TMEM132D: variants seen among roughly 807,000 people sequenced by gnomAD.
TMEM132D encodes the protein mature OL transmembrane protein.
TMEM132D carries 21 observed loss-of-function variants against 62.3 expected under a neutral mutation model. That is an observed-to-expected ratio of 0.34 (90% CI 0.24 to 0.49). The LOEUF (loss-of-function observed/expected upper bound fraction) is 0.49. Among genes scored for constraint, TMEM132D ranks in the 20% least tolerant of loss-of-function variants. The probability of loss-of-function intolerance (pLI) is 0.99; values close to 1 mark genes in which losing one functional copy is unlikely to be tolerated. For synonymous variants in TMEM132D, 621 were observed against 575.6 expected, an observed-to-expected ratio of 1.08 and a Z score of -1.13; for missense variants, 1,346 against 1,402.8, an observed-to-expected ratio of 0.96 and a Z score of 0.65.
At chr12:129,655,001 G>T (rs1490377368) in intron 2 of TMEM132D, among the ~76,000 whole-genome samples, 1 of 151,768 alleles carries the variant, frequency 6.6e-6, no homozygotes, top group East Asian at 1.9e-4. Context: ...AGGCTGGAGT[G>T]CAGTGGCACG....
intron 5 of TMEM132D, among the ~76,000 whole-genome samples, chr12:129,117,857 T>C (rs530900122): frequency 2.0e-5 from 3 of 152,348 alleles, no homozygotes; most frequent in Admixed American, 2.0e-4. Flanking sequence ...ACTGGAGACT[T>C]TGTTTTCCAT....
intron 3 of TMEM132D, among the ~76,000 whole-genome samples, chr12:129,487,381 T>C (rs1383393496): frequency 6.6e-6 from 1 of 152,078 alleles, no homozygotes; most frequent in Non-Finnish European, 1.5e-5. Context: ...AAGATGTAAT[T>C]TAAGTTTTAT....
chr12:129,688,352 A>G (rs376578007), intron 2 of TMEM132D, among the ~76,000 whole-genome samples: 16 of 152,300 alleles, frequency 1.1e-4, no homozygotes, highest in African/African-American at 3.1e-4. Context: ...CCAGCTGCAC[A>G]TAAGAATCAC....
chr12:129,409,491 G>A lies in TMEM132D; in HGVS notation c.1116-71674C>T, dbSNP rs149149276. ...CTTTCTACGTTTTTTAATCATTTCC[G>A]CTCTAGCAGCTAAACACACCATGTG... On this transcript the variant is annotated intron_variant, in intron 3 of 8. Coordinates refer to ENST00000422113, the MANE Select transcript of TMEM132D (RefSeq NM_133448.3). Among the ~76,000 whole-genome samples, 37 of 152,252 alleles carry A rather than the reference G, an allele frequency of 2.4e-4. No homozygotes were observed. In the East Asian group the frequency reaches 2.5e-3, roughly 10 times the overall value.
chr12:129,630,681 G>A (rs1471381922), intron 2 of TMEM132D, among the ~76,000 whole-genome samples: 1 of 152,156 alleles, frequency 6.6e-6, no homozygotes, highest in Non-Finnish European at 1.5e-5. Flanking sequence ...AAAATAGTAA[G>A]TCCACTATGT....
intron 3 of TMEM132D, among the ~76,000 whole-genome samples, chr12:129,444,540 C>T (rs764541665): frequency 6.6e-6 from 1 of 152,140 alleles, no homozygotes; most frequent in Non-Finnish European, 1.5e-5. Context: ...TGGTGGTTTG[C>T]TGCACCTGTC....
intron 3 of TMEM132D, among the ~76,000 whole-genome samples, chr12:129,425,891 C>T (rs568992219): frequency 3.8e-4 from 58 of 152,268 alleles, no homozygotes; most frequent in African/African-American, 1.1e-3. Flanking sequence ...AATGGAGCAA[C>T]GAGCCAACAT....
chr12:129,309,127 A>G (rs1307874974), intron 4 of TMEM132D, among the ~76,000 whole-genome samples: 1 of 152,172 alleles, frequency 6.6e-6, no homozygotes, highest in African/African-American at 2.4e-5. Flanking sequence ...AAACACATTC[A>G]AAGGTCACTT....
intron 3 of TMEM132D, among the ~76,000 whole-genome samples, chr12:129,435,024 A>G (rs1488801641): frequency 6.6e-6 from 1 of 152,140 alleles, no homozygotes; most frequent in Non-Finnish European, 1.5e-5. Flanking sequence ...ATTCTATGAG[A>G]TCAGCTTATT....
chr12:129,894,861 A>C (rs1285556814), intron 1 of TMEM132D, among the ~76,000 whole-genome samples: 1 of 151,944 alleles, frequency 6.6e-6, no homozygotes, highest in African/African-American at 2.4e-5. Context: ...CGTACCTCCC[A>C]AGTCAGCGTG....
At chr12:129,269,990 A>G (rs1361826180) in intron 4 of TMEM132D, among the ~76,000 whole-genome samples, 5 of 152,174 alleles carry the variant, frequency 3.3e-5, no homozygotes, top group Admixed American at 3.3e-4. Context: ...AGTGGCAGGC[A>G]GAACAGAATG....
intron 4 of TMEM132D, among the ~76,000 whole-genome samples, chr12:129,300,432 T>G (rs150474431): frequency 5.9e-5 from 9 of 152,186 alleles, no homozygotes. Context: ...CCCACCTAAC[T>G]TAGGAGTCCA....
chr12:129,661,678 T>C (rs557853716), intron 2 of TMEM132D, among the ~76,000 whole-genome samples: 1 of 152,280 alleles, frequency 6.6e-6, no homozygotes, highest in South Asian at 2.1e-4. Flanking sequence ...TAGGTGGTAA[T>C]ATATATCTCC....
At chr12:129,138,285 C>A (rs1335128000) in intron 5 of TMEM132D, among the ~76,000 whole-genome samples, 1 of 152,112 alleles carries the variant, frequency 6.6e-6, no homozygotes, top group Non-Finnish European at 1.5e-5. Context: ...AAATGTTGGC[C>A]ACTATCCAAA....
Position 129,074,842 on chromosome 12 carries a change from T to C in TMEM132D, c.2333A>G (p.Gln778Arg). Reference sequence around the variant, plus strand: ...TAACACACTCTTCCGCTTGGATTTCTGGCAGGATTCACTAATAACCATTTC... The same window carrying C: ...TAACACACTCTTCCGCTTGGATTTCCGGCAGGATTCACTAATAACCATTTC... ...KVEMVISESC[Q>R]KSKRKSVLAV... Residue 778 changes from glutamine to arginine, a missense_variant, in exon 9 of 9, where the codon CAG (glutamine) becomes CGG (arginine). Physicochemically the swap from Gln to Arg is conservative, Grantham distance 43. Transcript: ENST00000422113. The C allele has an allele frequency of 6.2e-7, 1 of 1,614,108 alleles. No individual in the cohort carries two copies. Among genetic ancestry groups the C allele is most frequent in the Non-Finnish European group, 8.5e-7 (1 of 1,180,028 alleles).
Position 129,072,830 on chromosome 12 carries a change from A to C in TMEM132D, c.*1045T>G, listed in dbSNP as rs1874116812. On this transcript the variant is annotated 3_prime_UTR_variant, in exon 9 of 9. Transcript: ENST00000422113. ...TCTTTCTAGTAAAGCAAGGGAATGTATATCCCCTGGTATGGAATTCACCGT... is the reference window on the plus strand; with the variant it reads ...TCTTTCTAGTAAAGCAAGGGAATGTCTATCCCCTGGTATGGAATTCACCGT... The C allele has an allele frequency of 6.6e-6, 1 of 152,238 alleles. No individual in the cohort carries two copies. Among genetic ancestry groups the C allele is most frequent in the African/African-American group, 2.4e-5 (1 of 41,442 alleles). The allele number at this position is 152,238 out of a possible 1,614,324, so 9.4% of individuals were successfully genotyped here.
intron 3 of TMEM132D, among the ~76,000 whole-genome samples, chr12:129,481,091 A>G (rs1874415676): frequency 1.3e-5 from 2 of 152,170 alleles, no homozygotes; most frequent in Non-Finnish European, 2.9e-5. Flanking sequence ...AGGAAACAGA[A>G]CAAGGTCCAA....
intron 5 of TMEM132D, among the ~76,000 whole-genome samples, chr12:129,184,985 C>A (rs959234016): frequency 1.3e-5 from 2 of 152,164 alleles, no homozygotes; most frequent in Non-Finnish European, 2.9e-5. Flanking sequence ...CTAAACAAAC[C>A]ACAGTGGACC....
intron 1 of TMEM132D, among the ~76,000 whole-genome samples, chr12:129,861,336 A>G (rs113205809): frequency 1.8e-4 from 28 of 152,330 alleles, no homozygotes; most frequent in African/African-American, 6.7e-4. Context: ...TAACTTTGGG[A>G]GAAATTTAGT....
Sources: allele counts gnomAD v4.1 joint callset (sites outside exome capture counted in the v4.1 genomes callset), GRCh38; gene constraint gnomAD v4.1.1; transcripts MANE v1.5; gene names NCBI Gene and HGNC (gene_info 2026-07-23, HGNC 2026-07-21).